The following GPC6 variants were observed in gnomAD, a reference collection of about 807,000 sequenced individuals.
GPC6 encodes the protein glypican 6, also known as glypican-6.
In GPC6, 14 loss-of-function variants were observed where a neutral mutation model predicts 55.2. The observed-to-expected ratio is 0.25, with a 90% CI of 0.17 to 0.40. GPC6 has a LOEUF of 0.40. Ranked by LOEUF, GPC6 falls within the 10% of genes least tolerant of loss-of-function variation. The probability of loss-of-function intolerance (pLI) is 1.00; values close to 1 mark genes in which losing one functional copy is unlikely to be tolerated. For missense variants in GPC6, 641 were observed against 708.5 expected, an observed-to-expected ratio of 0.90 and a Z score of 1.08; for synonymous variants, 278 against 259.6, an observed-to-expected ratio of 1.07 and a Z score of -0.68.
chr13:93,886,888 G>A (rs1875373020), intron 3 of GPC6, among the ~76,000 whole-genome samples: 1 of 151,380 alleles, frequency 6.6e-6, no homozygotes, highest in African/African-American at 2.4e-5. Context: ...GAAATTCTAT[G>A]ATTGATTTTA....
At chr13:94,159,145 G>A (rs1304262788) in intron 4 of GPC6, among the ~76,000 whole-genome samples, 1 of 152,104 alleles carries the variant, frequency 6.6e-6, no homozygotes, top group East Asian at 1.9e-4. Flanking sequence ...CAGATGATTT[G>A]GGTAGGGATT....
chr13:94,324,480 A>G (rs1877006431), intron 6 of GPC6, among the ~76,000 whole-genome samples: 1 of 152,184 alleles, frequency 6.6e-6, no homozygotes. Flanking sequence ...ACCAACTGTA[A>G]TTTAACTGTA....
intron 1 of GPC6, among the ~76,000 whole-genome samples, chr13:93,425,184 G>T (rs1877077608): frequency 2.0e-5 from 3 of 152,248 alleles, no homozygotes; most frequent in African/African-American, 7.2e-5. Flanking sequence ...AAAGTTTTAA[G>T]TAGAGACAGT....
intron 2 of GPC6, among the ~76,000 whole-genome samples, chr13:93,632,380 C>A (rs1207357168): frequency 6.6e-6 from 1 of 152,042 alleles, no homozygotes; most frequent in East Asian, 1.9e-4. Context: ...GAAGCTCAGG[C>A]AGGTGGATCG....
chr13:94,259,356 G>T (rs1190646161), intron 4 of GPC6, among the ~76,000 whole-genome samples: 1 of 152,188 alleles, frequency 6.6e-6, no homozygotes, highest in Non-Finnish European at 1.5e-5. Context: ...AACAAATTAG[G>T]GTTCCATTAA....
intron 3 of GPC6, among the ~76,000 whole-genome samples, chr13:93,885,240 A>G (rs1875251346): frequency 6.6e-6 from 1 of 151,014 alleles, no homozygotes; most frequent in Admixed American, 6.6e-5. Context: ...TGATCCAGCA[A>G]GCTTCCTTCT....
At position 94,323,077 on chromosome 13, in the gene GPC6, A is replaced by T. The variant is rs190472413; in HGVS notation, c.1152+16954A>T. Among the ~76,000 whole-genome samples, 6 of 152,304 alleles carry T rather than the reference A, an allele frequency of 3.9e-5. No homozygotes were observed. In the East Asian group the frequency reaches 1.2e-3, roughly 29 times the overall value. The stretch of plus-strand genomic sequence containing the variant: ...AACCTGCATCCATGTGGTCCAAATG[A>T]GGATGACGGGATTGCGAAAGAAGCC... On this transcript the variant is annotated intron_variant, in intron 6 of 8. Coordinates refer to ENST00000377047, the MANE Select transcript of GPC6 (RefSeq NM_005708.5).
intron 1 of GPC6, among the ~76,000 whole-genome samples, chr13:93,304,272 T>G (rs745668926): frequency 6.6e-6 from 1 of 152,140 alleles, no homozygotes; most frequent in Non-Finnish European, 1.5e-5. Flanking sequence ...TCAGTGAAAC[T>G]CTATCCTAGG....
At chr13:93,511,620 C>G (rs139175166) in intron 1 of GPC6, among the ~76,000 whole-genome samples, 469 of 152,026 alleles carry the variant, frequency 3.1e-3, no homozygotes, top group African/African-American at 0.01. Context: ...ATACTTCCAG[C>G]TTTGTTCTTT....
chr13:93,532,333 AGT>A (rs1881899877), intron 1 of GPC6, among the ~76,000 whole-genome samples: 1 of 151,918 alleles, frequency 6.6e-6, no homozygotes, highest in African/African-American at 2.4e-5. Flanking sequence ...GTGTAATGTG[AGT>A]GTGTGTGTAT....
At chr13:94,230,247 T>C (rs1244211763) in intron 4 of GPC6, among the ~76,000 whole-genome samples, 2 of 152,164 alleles carry the variant, frequency 1.3e-5, no homozygotes, top group Admixed American at 6.5e-5. Flanking sequence ...GCTCTTCTTA[T>C]TTTATGTGTG....
intron 2 of GPC6, among the ~76,000 whole-genome samples, chr13:93,754,885 A>G (rs763128419): frequency 6.6e-6 from 1 of 152,158 alleles, no homozygotes; most frequent in Non-Finnish European, 1.5e-5. Flanking sequence ...GCACAGTCCC[A>G]TGATACAGAT....
At chr13:93,542,151 T>G (rs1882336550) in intron 1 of GPC6, among the ~76,000 whole-genome samples, 1 of 152,164 alleles carries the variant, frequency 6.6e-6, no homozygotes, top group Non-Finnish European at 1.5e-5. Context: ...GTTTTTATGG[T>G]TTTAGGTCTA....
At chr13:93,544,873 G>A (rs1289320670) in intron 1 of GPC6, among the ~76,000 whole-genome samples, 1 of 152,134 alleles carries the variant, frequency 6.6e-6, no homozygotes. Context: ...TGCTTTTGGT[G>A]ATGGGACTAA....
chr13:94,117,675 G>A (rs1057124315), intron 4 of GPC6, among the ~76,000 whole-genome samples: 1 of 152,102 alleles, frequency 6.6e-6, no homozygotes, highest in Non-Finnish European at 1.5e-5. Flanking sequence ...AACAAAGTAA[G>A]TGGTAGAGAA....
chr13:93,801,685 T>G (rs376791225), intron 2 of GPC6, among the ~76,000 whole-genome samples: 2 of 152,106 alleles, frequency 1.3e-5, no homozygotes, highest in East Asian at 3.9e-4. Context: ...AAAAAGAAGG[T>G]GGAGATTTCT....
chr13:94,326,847 G>T (rs1472656619), intron 6 of GPC6, among the ~76,000 whole-genome samples: 1 of 152,210 alleles, frequency 6.6e-6, no homozygotes, highest in East Asian at 1.9e-4. Flanking sequence ...TTTCCAGCTT[G>T]CAAACACGGG....
At chr13:94,284,588 T>C (rs1423811782) in intron 4 of GPC6, among the ~76,000 whole-genome samples, 1 of 152,138 alleles carries the variant, frequency 6.6e-6, no homozygotes, top group Non-Finnish European at 1.5e-5. Context: ...ACACTATTTA[T>C]GTCCTTTGTC....
intron 6 of GPC6, among the ~76,000 whole-genome samples, chr13:94,370,762 G>C (rs1879506314): frequency 6.6e-6 from 1 of 152,126 alleles, no homozygotes; most frequent in Non-Finnish European, 1.5e-5. Context: ...TAAACAACCA[G>C]AGTACCTATA....
Sources: allele counts gnomAD v4.1 joint callset (sites outside exome capture counted in the v4.1 genomes callset), GRCh38; gene constraint gnomAD v4.1.1; transcripts MANE v1.5; gene names NCBI Gene and HGNC (gene_info 2026-07-23, HGNC 2026-07-21).